CNNM2: variants seen among roughly 807,000 people sequenced by gnomAD.
CNNM2 encodes metal transporter CNNM2.
In CNNM2, 12 loss-of-function variants were observed where a neutral mutation model predicts 66.9. The observed-to-expected ratio is 0.18, with a 90% confidence interval of 0.11 to 0.29. The LOEUF is 0.29. Ranked by LOEUF, CNNM2 falls within the 10% of genes least tolerant of loss-of-function variation. CNNM2 has a pLI of 1.00. For missense variants in CNNM2, 705 were observed against 1,167.7 expected, an observed-to-expected ratio of 0.60 and a Z score of 5.77; for synonymous variants, 557 against 501.8, an observed-to-expected ratio of 1.11 and a Z score of -1.47.
intron 1 of CNNM2, among the ~76,000 whole-genome samples, chr10:102,972,270 G>C (rs1483181784): frequency 6.6e-6 from 1 of 152,144 alleles, no homozygotes; most frequent in Non-Finnish European, 1.5e-5. Context: ...TTCCAACTAA[G>C]ATATTCTTTC....
intron 1 of CNNM2, among the ~76,000 whole-genome samples, chr10:102,924,846 A>G (rs1845795660): frequency 6.6e-6 from 1 of 152,076 alleles, no homozygotes; most frequent in African/African-American, 2.4e-5. Flanking sequence ...ATGATGTTGT[A>G]CATTTATTTT....
At chr10:102,921,422 T>A (rs918436497) in intron 1 of CNNM2, among the ~76,000 whole-genome samples, 1 of 152,216 alleles carries the variant, frequency 6.6e-6, no homozygotes, top group African/African-American at 2.4e-5. Context: ...AATGCCATTT[T>A]TCTGGTTGAA....
At chr10:103,002,314 A>G (rs918218645) in intron 1 of CNNM2, among the ~76,000 whole-genome samples, 1 of 152,220 alleles carries the variant, frequency 6.6e-6, no homozygotes, top group African/African-American at 2.4e-5. Context: ...AAGGATCTTA[A>G]TAGACATTTC....
intron 1 of CNNM2, among the ~76,000 whole-genome samples, chr10:103,018,964 C>T (rs996283573): frequency 5.4e-5 from 8 of 149,390 alleles, no homozygotes; most frequent in East Asian, 2.0e-4. Context: ...CCTGTTTACT[C>T]CTTTCTTAAA....
Position 103,040,985 on chromosome 10 carries a change from A to G in CNNM2, c.1622-8722A>G, listed in dbSNP as rs921067343. Among the ~76,000 whole-genome samples the G allele has an allele frequency of 7.2e-5, 11 of 152,242 alleles. No homozygotes were observed. In the East Asian group the frequency reaches 1.7e-3, roughly 24 times the overall value. On this transcript the variant is annotated intron_variant, in intron 1 of 7. Transcript: ENST00000369878. Reference sequence around the variant, plus strand: ...TGTGCTGTCCCCCAGTTATCATGACATGCCCTGTTGCTGGACCAGCATGTG... The same window carrying G: ...TGTGCTGTCCCCCAGTTATCATGACGTGCCCTGTTGCTGGACCAGCATGTG...
intron 1 of CNNM2, among the ~76,000 whole-genome samples, chr10:102,997,682 TAA>T (rs1159474141): frequency 6.6e-6 from 1 of 152,126 alleles, no homozygotes; most frequent in African/African-American, 2.4e-5. Flanking sequence ...CCAAATAATA[TAA>T]AGTTACCATT....
chr10:102,957,807 G>C (rs190364595), intron 1 of CNNM2, among the ~76,000 whole-genome samples: 3 of 152,234 alleles, frequency 2.0e-5, no homozygotes, highest in African/African-American at 7.2e-5. Flanking sequence ...CTGGTAGATC[G>C]CTTACCTGGG....
intron 1 of CNNM2, among the ~76,000 whole-genome samples, chr10:102,972,433 A>G (rs866565247): frequency 2.6e-5 from 4 of 152,078 alleles, no homozygotes; most frequent in African/African-American, 7.2e-5. Flanking sequence ...TCAGGAGATC[A>G]AGACCATCCT....
rs541556224 is a variant in CNNM2, at chr10:103,073,635, G to GT, written c.2233+1797dup. Among the ~76,000 whole-genome samples the GT allele has an allele frequency of 4.7e-4, 71 of 152,132 alleles. No individual in the cohort carries two copies. The highest frequency in any genetic ancestry group is 8.4e-4 in the Non-Finnish European group (57 of 67,988). On this transcript the variant is annotated intron_variant, in intron 6 of 7. Coordinates refer to ENST00000369878, the MANE Select transcript of CNNM2 (RefSeq NM_017649.5). ...CCAGCACTTTCGGAGGCCGAGGCGG[G>GT]TGGATCATGAGGTCAGGAGATCGAG...
At chr10:103,056,686 TATCACTTTG>T in intron 3 of CNNM2, 100 bp from the exon 4 acceptor site, 1 of 1,045,386 alleles carries the variant, frequency 9.6e-7, no homozygotes, top group Non-Finnish European at 1.4e-6. Flanking sequence ...ATTCAAATGC[TATCACTTTG>T]ATTCCAAGTA....
intron 1 of CNNM2, among the ~76,000 whole-genome samples, chr10:103,017,321 C>T (rs1336706615): frequency 1.3e-5 from 2 of 152,166 alleles, no homozygotes; most frequent in African/African-American, 2.4e-5. Flanking sequence ...ATGTGGCAGA[C>T]AGCGTTCTAG....
intron 4 of CNNM2, among the ~76,000 whole-genome samples, chr10:103,057,660 G>A (rs1445812245): frequency 1.3e-5 from 2 of 152,066 alleles, no homozygotes. Context: ...CCTTCATGAG[G>A]ACTTAAGTTT....
At chr10:103,009,605 C>T (rs1236540912) in intron 1 of CNNM2, among the ~76,000 whole-genome samples, 2 of 143,062 alleles carry the variant, frequency 1.4e-5, no homozygotes, top group African/African-American at 2.6e-5. Flanking sequence ...GCAGGAGGAT[C>T]GCTTGAGCCC....
At chr10:102,938,981 G>GC (rs1437608820) in intron 1 of CNNM2, among the ~76,000 whole-genome samples, 1 of 152,012 alleles carries the variant, frequency 6.6e-6, no homozygotes, top group Non-Finnish European at 1.5e-5. Flanking sequence ...GCAGACAAAG[G>GC]CCCTTAGTTG....
rs1247601425 is a variant in CNNM2 at position 103,085,152 on chromosome 10, G to GAAGT, written c.*7973_*7976dup. On this transcript the variant is annotated 3_prime_UTR_variant, in exon 8 of 8. Coordinates refer to ENST00000369878, the MANE Select transcript of CNNM2 (RefSeq NM_017649.5). ...AGGGAGAATTAGTTGCCCGACTTCT[G>GAAGT]AAGTGCTTTTCCTGTCAGGGTATTA... 1 of 152,160 alleles carries GAAGT rather than the reference G, an allele frequency of 6.6e-6. No individual in the cohort carries two copies. The highest frequency in any genetic ancestry group is 1.9e-4 in the East Asian group (1 of 5,178). The allele number at this position is 152,160 out of a possible 1,614,324, so 9.4% of individuals were successfully genotyped here.
At chr10:102,991,208 G>A (rs1184478420) in intron 1 of CNNM2, among the ~76,000 whole-genome samples, 7 of 151,946 alleles carry the variant, frequency 4.6e-5, no homozygotes, top group Non-Finnish European at 7.4e-5. Flanking sequence ...GACTGGTCTC[G>A]AACTCCTGAC....
At chr10:102,972,592 C>T (rs1056473273) in intron 1 of CNNM2, among the ~76,000 whole-genome samples, 7 of 152,156 alleles carry the variant, frequency 4.6e-5, no homozygotes, top group Non-Finnish European at 1.0e-4. Context: ...GCTGAGATCG[C>T]GCCTCTGCAC....
At chr10:102,975,844 A>G (rs962818404) in intron 1 of CNNM2, among the ~76,000 whole-genome samples, 2 of 152,222 alleles carry the variant, frequency 1.3e-5, no homozygotes, top group Admixed American at 6.5e-5. Context: ...TAGGTGTATT[A>G]TAATTGGCCC....
At chr10:102,968,720 C>A (rs1187586980) in intron 1 of CNNM2, among the ~76,000 whole-genome samples, 1 of 151,732 alleles carries the variant, frequency 6.6e-6, no homozygotes, top group Non-Finnish European at 1.5e-5. Flanking sequence ...CCTTCCGCCT[C>A]ATTGCACTGA....
Sources: allele counts gnomAD v4.1 joint callset (sites outside exome capture counted in the v4.1 genomes callset), GRCh38; gene constraint gnomAD v4.1.1; transcripts MANE v1.5; gene names NCBI Gene and HGNC (gene_info 2026-07-23, HGNC 2026-07-21).